BPI: variants seen among roughly 807,000 people sequenced by gnomAD.
BPI encodes bactericidal permeability increasing protein, also known as bactericidal permeability-increasing protein.
Under a neutral mutation model 57.6 loss-of-function variants are expected in BPI, and 48 were observed. That is an observed-to-expected ratio of 0.83 (90% CI 0.66 to 1.06). The LOEUF is 1.06. Ranked by LOEUF, BPI falls within the 50% of genes least tolerant of loss-of-function variation. BPI has a pLI of 0.00. For missense variants in BPI, 651 were observed against 609.7 expected (o/e 1.07, Z -0.71); for synonymous variants, 237 against 238.2 (o/e 0.99, Z 0.05).
At chr20:38,313,796 G>A (rs1024134589) in intron 5 of BPI, among the ~76,000 whole-genome samples, 1 of 141,794 alleles carries the variant, frequency 7.1e-6, no homozygotes, top group Non-Finnish European at 1.6e-5. Flanking sequence ...GGTGATGGTG[G>A]GGATGATGAT....
At chr20:38,330,468 G>C (rs1362908783) in intron 11 of BPI, among the ~76,000 whole-genome samples, 1 of 152,166 alleles carries the variant, frequency 6.6e-6, no homozygotes, top group Non-Finnish European at 1.5e-5. Flanking sequence ...TGAGATCACT[G>C]TTAAAAATGT....
At chr20:38,323,136 C>G (rs546527742) in intron 7 of BPI, among the ~76,000 whole-genome samples, 1 of 152,160 alleles carries the variant, frequency 6.6e-6, no homozygotes, top group Non-Finnish European at 1.5e-5. Context: ...CCTCTCCCCC[C>G]ACCCCAGAAC....
At chr20:38,323,690 A>G (rs1325787162) in intron 7 of BPI, among the ~76,000 whole-genome samples, 180 bp from the exon 8 acceptor site, 1 of 152,228 alleles carries the variant, frequency 6.6e-6, no homozygotes, top group Non-Finnish European at 1.5e-5. Context: ...CAGGACTGGC[A>G]TGAAAGGCAC....
intron 12 of BPI, among the ~76,000 whole-genome samples, chr20:38,331,881 T>A (rs1226196896): frequency 6.8e-6 from 1 of 147,940 alleles, no homozygotes; most frequent in Non-Finnish European, 1.5e-5. Context: ...ATCGTTTCAG[T>A]CACAATCAAA....
rs116015732 is a variant in BPI at position 38,325,312 on chromosome 20, C to A, written c.993+479C>A. 7.0e-3 allele frequency among the ~76,000 whole-genome samples: 1,070 copies of A among 152,274 alleles called. 10 individuals are homozygous for A. The highest frequency in any genetic ancestry group is 0.024 in the African/African-American group (1,003 of 41,532). On this transcript the variant is annotated intron_variant, in intron 9 of 14. Transcript: ENST00000642449. ...TCTTTATCTGCTCAGGCTACCATAA[C>A]AAAATGCCACAGACCTGGTGGCATA...
At chr20:38,308,162 A>G (rs2076605712) in intron 2 of BPI, among the ~76,000 whole-genome samples, 1 of 152,098 alleles carries the variant, frequency 6.6e-6, no homozygotes, top group Non-Finnish European at 1.5e-5. Context: ...GTCTCTCTAG[A>G]TCTCCTGCTC....
At chr20:38,306,324 C>T (rs932736068) in intron 1 of BPI, among the ~76,000 whole-genome samples, 9 of 152,156 alleles carry the variant, frequency 5.9e-5, no homozygotes, top group African/African-American at 2.2e-4. Context: ...CGTGAGCCAC[C>T]GCACCCAGCC....
intron 12 of BPI, among the ~76,000 whole-genome samples, chr20:38,332,274 A>G (rs987329708): frequency 6.6e-6 from 1 of 152,140 alleles, no homozygotes; most frequent in Admixed American, 6.5e-5. Context: ...ATACCTTTGT[A>G]AAAGCTTCCC....
intron 8 of BPI, 59 bp from the exon 9 acceptor site, chr20:38,324,715 C>A: frequency 7.2e-7 from 1 of 1,397,066 alleles, no homozygotes; most frequent in Non-Finnish European, 1.0e-6. Context: ...CAGAACTCAC[C>A]CCCTCTGCTC....
chr20:38,314,575 T>G (rs1157468811), intron 5 of BPI, among the ~76,000 whole-genome samples: 7 of 144,832 alleles, frequency 4.8e-5, no homozygotes, highest in East Asian at 2.2e-4. Context: ...ATGATGGTGG[T>G]GATGATGATG....
intron 7 of BPI, among the ~76,000 whole-genome samples, chr20:38,323,230 C>A (rs746537659): frequency 3.3e-5 from 5 of 152,094 alleles, no homozygotes; most frequent in Admixed American, 1.3e-4. Context: ...AAGTGGTATC[C>A]TACCATATGT....
chr20:38,320,013 G>T (rs1042074029), intron 6 of BPI, 170 bp from the exon 7 acceptor site: 1 of 613,184 alleles, frequency 1.6e-6, no homozygotes, highest in South Asian at 2.0e-5. Context: ...TGGGGTGTGG[G>T]TTCATTTTCC....
In BPI at chr20:38,335,683, C is replaced by T. The variant is rs1413720715; in HGVS notation, c.1413+9C>T. On this transcript the variant is annotated intron_variant, in intron 14 of 14. Transcript: ENST00000642449. Reference sequence around the variant, plus strand: ...TGCTTCAGCCTCACCAGGTGAGTCCCGGAGTCTTTTCCACAAATCTCCCCT... The same window carrying T: ...TGCTTCAGCCTCACCAGGTGAGTCCTGGAGTCTTTTCCACAAATCTCCCCT... 1.3e-5 allele frequency: 21 copies of T among 1,613,368 alleles called. No homozygotes were observed. The highest frequency in any genetic ancestry group is 4.0e-5 in the African/African-American group (3 of 74,902).
At chr20:38,318,088 G>T in intron 5 of BPI, 3 of 940,304 alleles carry the variant, frequency 3.2e-6, no homozygotes, top group Non-Finnish European at 3.8e-6. Context: ...AAATCAAACA[G>T]AAACAAAAGA....
intron 11 of BPI, among the ~76,000 whole-genome samples, chr20:38,330,269 G>T (rs1422949519): frequency 7.9e-5 from 12 of 152,112 alleles, no homozygotes. Flanking sequence ...AGCAAACCGT[G>T]CTTTGCTAAT....
intron 1 of BPI, among the ~76,000 whole-genome samples, chr20:38,307,250 A>G (rs6064359): frequency 0.47 from 71,192 of 152,016 alleles, 17,078 homozygotes; most frequent in African/African-American, 0.49. Flanking sequence ...TGAAAATTAT[A>G]TGAAATTCTC....
At chr20:38,304,942 C>G (rs2076590156) in intron 1 of BPI, among the ~76,000 whole-genome samples, 1 of 152,244 alleles carries the variant, frequency 6.6e-6, no homozygotes, top group Non-Finnish European at 1.5e-5. Context: ...ACCCTCACTT[C>G]AGCCTTGTGT....
At chr20:38,323,257 G>T (rs1044835990) in intron 7 of BPI, among the ~76,000 whole-genome samples, 22 of 152,004 alleles carry the variant, frequency 1.4e-4, no homozygotes, top group Non-Finnish European at 1.3e-4. Flanking sequence ...CTATAATTTG[G>T]TTTTTTAAGC....
Position 38,323,973 on chromosome 20 carries a change from A to T in BPI, c.860A>T (p.Asp287Val). 6.2e-7 allele frequency: 1 copy of T among 1,614,148 alleles called. No homozygotes were observed. The highest frequency in any genetic ancestry group is 8.5e-7 in the Non-Finnish European group (1 of 1,180,012). Residue 287 changes from aspartate to valine, a missense_variant, in exon 8 of 15, where the codon GAC (aspartate) becomes GTC (valine). By Grantham distance (152) the Asp-to-Val change is radical. Coordinates refer to ENST00000642449, the MANE Select transcript of BPI (RefSeq NM_001725.3). ...CGCATGGTATACCTGGGCCTCTCAG[A>T]CTACTTCTTCAACACAGCCGGGCTT... The part of the protein sequence containing the change: ...HDRMVYLGLS[D>V]YFFNTAGLVY...
Sources: gnomAD v4.1 joint callset for allele counts (sites outside exome capture counted in the v4.1 genomes callset) on GRCh38, gnomAD v4.1.1 for gene constraint, MANE v1.5 for transcripts, NCBI Gene and HGNC (gene_info 2026-07-23, HGNC 2026-07-21) for gene names.